The following PTPRT variants were observed in gnomAD, a reference collection of about 807,000 sequenced individuals.
PTPRT encodes protein tyrosine phosphatase receptor type T, also known as receptor-type tyrosine-protein phosphatase T.
Under a neutral mutation model 176.8 loss-of-function variants are expected in PTPRT, and 56 were observed. The ratio of observed to expected loss-of-function variants is 0.32; its 90% CI spans 0.26 to 0.40. The LOEUF (loss-of-function observed/expected upper bound fraction) is 0.40. Ranked by LOEUF, PTPRT falls within the 10% of genes least tolerant of loss-of-function variation. PTPRT has a pLI of 1.00. For synonymous variants in PTPRT, 783 were observed against 739.0 expected (o/e 1.06, Z -0.96); for missense variants, 1,540 against 1,908.2 (o/e 0.81, Z 3.60).
intron 13 of PTPRT, among the ~76,000 whole-genome samples, chr20:42,276,551 ATATAT>A (rs2057041173): frequency 1.2e-5 from 1 of 85,188 alleles, no homozygotes; most frequent in African/African-American, 4.6e-5. Flanking sequence ...ATATATATAT[ATATAT>A]ATAATGTTCT....
chr20:42,106,691 G>A, intron 24 of PTPRT, 95 bp downstream of exon 24: 1 of 1,490,496 alleles, frequency 6.7e-7, no homozygotes, highest in African/African-American at 1.4e-5. Flanking sequence ...CCTTTCCATA[G>A]GATGCCCCTA....
At chr20:43,137,853 A>C (rs926957648) in intron 1 of PTPRT, among the ~76,000 whole-genome samples, 2 of 152,226 alleles carry the variant, frequency 1.3e-5, no homozygotes, top group African/African-American at 4.8e-5. Context: ...TCAGCCTGGA[A>C]TATTAAACTC....
At chr20:42,708,638 T>C (rs561631993) in intron 6 of PTPRT, among the ~76,000 whole-genome samples, 2 of 152,318 alleles carry the variant, frequency 1.3e-5, no homozygotes, top group Non-Finnish European at 2.9e-5. Context: ...TAGGTCTCTG[T>C]CTTGGTCTTT....
chr20:42,716,243 A>G (rs1352427235), intron 6 of PTPRT, among the ~76,000 whole-genome samples: 5 of 152,198 alleles, frequency 3.3e-5, no homozygotes, highest in Admixed American at 1.3e-4. Flanking sequence ...CTATTTAAAA[A>G]AAAATTGCAG....
intron 9 of PTPRT, among the ~76,000 whole-genome samples, chr20:42,374,930 CA>C (rs1011074416): frequency 1.3e-5 from 2 of 152,044 alleles, no homozygotes; most frequent in Non-Finnish European, 2.9e-5. Flanking sequence ...TAACCAAAAA[CA>C]AAATTATAGA....
At chr20:42,683,767 G>A (rs1184876092) in intron 6 of PTPRT, among the ~76,000 whole-genome samples, 1 of 152,160 alleles carries the variant, frequency 6.6e-6, no homozygotes, top group East Asian at 1.9e-4. Flanking sequence ...CTTGGGGCCA[G>A]GGTTCAAGCT....
intron 1 of PTPRT, among the ~76,000 whole-genome samples, chr20:43,010,455 G>A (rs1284805220): frequency 6.6e-6 from 1 of 152,072 alleles, no homozygotes; most frequent in Non-Finnish European, 1.5e-5. Flanking sequence ...TCTGGCTTCT[G>A]CTCATAGTGT....
chr20:43,137,739 T>C (rs1383218955), intron 1 of PTPRT, among the ~76,000 whole-genome samples: 5 of 152,196 alleles, frequency 3.3e-5, no homozygotes, highest in African/African-American at 1.2e-4. Context: ...CACCTTAGGC[T>C]GACCCTGCCA....
intron 7 of PTPRT, among the ~76,000 whole-genome samples, chr20:42,544,157 C>T (rs2072632025): frequency 6.6e-6 from 1 of 152,292 alleles, no homozygotes; most frequent in East Asian, 1.9e-4. Context: ...TTGTTTCTCT[C>T]TAGCTACGAA....
intron 1 of PTPRT, among the ~76,000 whole-genome samples, chr20:43,068,676 G>A (rs1453009716): frequency 6.6e-6 from 1 of 152,076 alleles, no homozygotes; most frequent in African/African-American, 2.4e-5. Flanking sequence ...ATCATACTTA[G>A]GGAGGCAGTA....
chr20:42,673,640 AT>A (rs555436677), intron 7 of PTPRT, among the ~76,000 whole-genome samples: 24 of 152,322 alleles, frequency 1.6e-4, no homozygotes, highest in African/African-American at 5.8e-4. Context: ...ATGAAGGAGC[AT>A]TTTGGGGCCT....
intron 7 of PTPRT, among the ~76,000 whole-genome samples, chr20:42,528,718 T>C (rs8121624): frequency 0.018 from 2,762 of 152,290 alleles, 84 homozygotes; most frequent in African/African-American, 0.064. Context: ...AAACGGTTCA[T>C]TATCTGAATC....
At chr20:42,604,435 CTG>C (rs1316166785) in intron 7 of PTPRT, among the ~76,000 whole-genome samples, 2 of 152,160 alleles carry the variant, frequency 1.3e-5, no homozygotes, top group East Asian at 1.9e-4. Context: ...CTCATGAATA[CTG>C]TGAGTTAGGC....
At chr20:42,743,409 A>G (rs1010975982) in intron 6 of PTPRT, among the ~76,000 whole-genome samples, 1 of 152,188 alleles carries the variant, frequency 6.6e-6, no homozygotes, top group African/African-American at 2.4e-5. Context: ...AAGCAAAGAA[A>G]TCTACCTGCC....
In PTPRT at chr20:42,885,978, C is replaced by T. The variant is rs768166020; in HGVS notation, c.89-46G>A. 19 of 1,516,004 alleles carry T rather than the reference C, an allele frequency of 1.3e-5. No homozygotes were observed. In the East Asian group the frequency reaches 4.2e-4, roughly 33 times the overall value. The allele number at this position is 1,516,004 out of a possible 1,614,324, so 93.9% of individuals were successfully genotyped here. ...GGTAAATACATTCCCGTGTCTGAGG[C>T]TTGGTTCGTTACCTCTGTCTCGTCG... On this transcript the variant is annotated intron_variant, in intron 1 of 30. Coordinates refer to ENST00000373187, the MANE Select transcript of PTPRT (RefSeq NM_007050.6).
chr20:42,344,288 C>A (rs1450834096), intron 11 of PTPRT, among the ~76,000 whole-genome samples: 1 of 152,206 alleles, frequency 6.6e-6, no homozygotes, highest in Non-Finnish European at 1.5e-5. Flanking sequence ...TAGGTATTCC[C>A]ATTTATCGAC....
At chr20:42,043,790 ATTTG>A in the PTPRT span, among the ~76,000 whole-genome samples, 1 of 152,164 alleles carries the variant, frequency 6.6e-6, no homozygotes, top group South Asian at 2.1e-4. Context: ...TGGACAATCG[ATTTG>A]TTTATTATTA....
intron 7 of PTPRT, among the ~76,000 whole-genome samples, chr20:42,567,205 G>A (rs1345877155): frequency 2.0e-5 from 3 of 152,032 alleles, no homozygotes; most frequent in South Asian, 4.2e-4. Context: ...CCCAGGAGGT[G>A]GAGGCTGCAG....
intron 15 of PTPRT, among the ~76,000 whole-genome samples, chr20:42,233,721 C>A (rs931372244): frequency 2.0e-5 from 3 of 152,092 alleles, no homozygotes; most frequent in Non-Finnish European, 2.9e-5. Context: ...CAGTGGCATA[C>A]AATATATGAC....
Sources: allele counts gnomAD v4.1 joint callset (sites outside exome capture counted in the v4.1 genomes callset), GRCh38; gene constraint gnomAD v4.1.1; transcripts MANE v1.5; gene names NCBI Gene and HGNC (gene_info 2026-07-23, HGNC 2026-07-21).